DOC2B: variants seen among roughly 807,000 people sequenced by gnomAD.
DOC2B encodes the protein double C2 domain beta.
In DOC2B, 21 loss-of-function variants were observed where a neutral mutation model predicts 28.9. The ratio of observed to expected loss-of-function variants is 0.73; its 90% CI spans 0.52 to 1.05. The LOEUF is 1.05. Among genes scored for constraint, DOC2B ranks in the 50% least tolerant of loss-of-function variants. The pLI, the probability that DOC2B is intolerant of heterozygous loss-of-function variation, is 0.00. For missense variants in DOC2B, 384 were observed against 421.1 expected (o/e 0.91, Z 0.77); for synonymous variants, 194 against 178.1 (o/e 1.09, Z -0.71).
At position 169,971 on chromosome 17, in the gene DOC2B, C is replaced by G. The variant is rs564787657; in HGVS notation, c.453+2566G>C. The stretch of plus-strand genomic sequence containing the variant: ...GGTACCACACATGTACACACAGAGA[C>G]ACACATACAGCCATGTATGTGCATA... On this transcript the variant is annotated intron_variant, in intron 2 of 8. Transcript: ENST00000613549. 2.0e-5 allele frequency among the ~76,000 whole-genome samples: 3 copies of G among 152,316 alleles called. No homozygotes were observed. The South Asian group carries it at 6.2e-4, about 32-fold the overall frequency.
chr17:154,981 G>A (rs959437951), intron 6 of DOC2B, among the ~76,000 whole-genome samples: 8 of 152,088 alleles, frequency 5.3e-5, no homozygotes, highest in Middle Eastern at 3.4e-3. Context: ...CGTGCGCCTC[G>A]GCCTCCCAAA....
chr17:181,320 C>T lies in DOC2B; in HGVS notation c.160G>A (p.Ala54Thr). Residue 54 changes from alanine to threonine, a missense_variant, in exon 1 of 9, where the codon GCA becomes ACA. Ala to Thr is a moderately conservative substitution (Grantham distance 58, BLOSUM62 0). Transcript: ENST00000613549. The surrounding 1 kb of genome is among the most constrained non-coding windows in gnomAD (Gnocchi z 7.0). ...LPPDAGPRAAAPPDAPARPAV... is the reference protein window; with the variant it reads ...LPPDAGPRAATPPDAPARPAV... ...GGGCGCGCGGGGGCGTCCGGGGGTGCAGCGGCTCGGGGCCCGGCGTCCGGG... is the reference window on the plus strand; with the variant it reads ...GGGCGCGCGGGGGCGTCCGGGGGTGTAGCGGCTCGGGGCCCGGCGTCCGGG... 8.6e-7 allele frequency: 1 copy of T among 1,161,100 alleles called. No individual in the cohort carries two copies. Among genetic ancestry groups the T allele is most frequent in the Admixed American group, 4.7e-5 (1 of 21,242 alleles). The allele number at this position is 1,161,100 out of a possible 1,614,324, so 71.9% of individuals were successfully genotyped here.
In DOC2B at chr17:169,080, C is replaced by T. The variant is rs146719345; in HGVS notation, c.453+3457G>A. Among the ~76,000 whole-genome samples the T allele has an allele frequency of 4.1e-3, 628 of 152,238 alleles. 4 individuals carry two copies. The highest frequency in any genetic ancestry group is 6.6e-3 in the Non-Finnish European group (450 of 68,012). On this transcript the variant is annotated intron_variant, in intron 2 of 8. Transcript: ENST00000613549. ...AACCTAGCCCTGCCCCGCCCTGGGC[C>T]TCTCAGAGGCTGTTGCTGGTGAAGT... is the stretch of plus-strand genomic sequence containing the variant.
chr17:162,554 G>A (rs572380349), intron 3 of DOC2B, among the ~76,000 whole-genome samples: 14 of 152,356 alleles, frequency 9.2e-5, no homozygotes, highest in Non-Finnish European at 2.9e-5. Flanking sequence ...GCTGGAAGGA[G>A]CTAGGAAACT....
In DOC2B at chr17:181,054, G is replaced by C. The variant is rs920018945; in HGVS notation, c.373+53C>G. The C allele has an allele frequency of 4.9e-6, 6 of 1,214,782 alleles. No homozygotes were observed. The South Asian group carries it at 1.1e-4, about 22-fold the overall frequency. 75.3% of individuals were successfully genotyped at this position (1,214,782 alleles called of 1,614,324 possible). On this transcript the variant is annotated intron_variant, in intron 1 of 8. Coordinates refer to ENST00000613549, the MANE Select transcript of DOC2B (RefSeq NM_003585.5). The surrounding 1 kb of genome is among the most constrained non-coding windows in gnomAD (Gnocchi z 7.0). ...GAGGGAAGCCGCGAGGCCGTGGGGGGGCCGAGCCCGAGCCAGGGGAGGGGG... is the reference window on the plus strand; with the variant it reads ...GAGGGAAGCCGCGAGGCCGTGGGGGCGCCGAGCCCGAGCCAGGGGAGGGGG...
At chr17:151,035 T>C (rs62053745) in intron 6 of DOC2B, among the ~76,000 whole-genome samples, 111,296 of 151,628 alleles carry the variant, frequency 0.73, 41,693 homozygotes, top group East Asian at 0.86. Context: ...TGGGGTCATA[T>C]TCTCTGTGTT....
At chr17:147,608 A>G in intron 8 of DOC2B, 31 bp from the exon 9 acceptor site, 1 of 398,842 alleles carries the variant, frequency 2.5e-6, no homozygotes, top group Non-Finnish European at 4.4e-6. Flanking sequence ...CAGCTGGGGC[A>G]CAGGGACCCC....
chr17:180,647 TCG>T (rs1414931639), intron 1 of DOC2B, among the ~76,000 whole-genome samples: 1 of 151,770 alleles, frequency 6.6e-6, no homozygotes, highest in Non-Finnish European at 1.5e-5. Context: ...CCTCCCCAGC[TCG>T]CCCCAGCCCC....
chr17:166,287 C>T (rs937358457), intron 2 of DOC2B, among the ~76,000 whole-genome samples: 2 of 152,272 alleles, frequency 1.3e-5, no homozygotes, highest in African/African-American at 4.8e-5. Context: ...CCCGGGGTTC[C>T]GCCAGTGCCT....
In DOC2B at chr17:144,857, T is replaced by G. The variant is rs964337270; in HGVS notation, c.*2584A>C. On this transcript the variant is annotated 3_prime_UTR_variant, in exon 9 of 9. Coordinates refer to ENST00000613549, the MANE Select transcript of DOC2B (RefSeq NM_003585.5). ...GGCCTCACATTCCCCATGTGCCTAA[T>G]AAGGAAGTCATGGTAGGTGGGGGGT... 2 of 152,190 alleles carry G rather than the reference T, an allele frequency of 1.3e-5. No individual in the cohort carries two copies. The highest frequency in any genetic ancestry group is 4.1e-4 in the South Asian group (2 of 4,836). The allele number at this position is 152,190 out of a possible 1,614,324, so 9.4% of individuals were successfully genotyped here.
intron 1 of DOC2B, among the ~76,000 whole-genome samples, chr17:180,862 A>G (rs971588713): frequency 4.0e-4 from 60 of 150,152 alleles, no homozygotes; most frequent in African/African-American, 1.4e-3. Flanking sequence ...GAAATGGGAC[A>G]CCCCCAGGGG....
At chr17:173,380 G>C (rs1356819927) in intron 1 of DOC2B, among the ~76,000 whole-genome samples, 1 of 152,154 alleles carries the variant, frequency 6.6e-6, no homozygotes, top group Non-Finnish European at 1.5e-5. Context: ...ATGATGGTGG[G>C]GGGCAGAGCT....
chr17:172,137 T>C (rs926226524), intron 2 of DOC2B, among the ~76,000 whole-genome samples: 1 of 151,808 alleles, frequency 6.6e-6, no homozygotes, highest in Non-Finnish European at 1.5e-5. Context: ...GCTTCCAGGG[T>C]GCAAAGTGGC....
chr17:156,061 A>G, intron 6 of DOC2B, 159 bp downstream of exon 6: 1 of 756,162 alleles, frequency 1.3e-6, no homozygotes, highest in Non-Finnish European at 2.0e-6. Flanking sequence ...GGCCATGCTT[A>G]ACCCCTGGAG....
intron 1 of DOC2B, among the ~76,000 whole-genome samples, chr17:176,820 C>G (rs2040375430): frequency 6.6e-6 from 1 of 152,162 alleles, no homozygotes. Context: ...GGGTTGGTCA[C>G]TAATGGGCCT....
At chr17:174,189 C>T (rs142936985) in intron 1 of DOC2B, among the ~76,000 whole-genome samples, 97 of 152,344 alleles carry the variant, frequency 6.4e-4, no homozygotes, top group Non-Finnish European at 6.5e-4. Flanking sequence ...AGGCACATGT[C>T]TCTGTCTTCG....
chr17:149,719 T>C (rs2040052556), intron 6 of DOC2B, among the ~76,000 whole-genome samples: 1 of 152,216 alleles, frequency 6.6e-6, no homozygotes, highest in African/African-American at 2.4e-5. Context: ...TTGGCCAGGC[T>C]GGTCTCTAGC....
chr17:148,029 G>C (rs1261045477), intron 8 of DOC2B, 144 bp downstream of exon 8: 2 of 395,792 alleles, frequency 5.1e-6, no homozygotes, highest in Non-Finnish European at 8.9e-6. Flanking sequence ...GGGCACAAGG[G>C]TCAGGCTGGA....
At chr17:166,726 G>A (rs1031820896) in intron 2 of DOC2B, among the ~76,000 whole-genome samples, 2 of 148,050 alleles carry the variant, frequency 1.4e-5, no homozygotes, top group Non-Finnish European at 1.5e-5. Context: ...TACGTCTCAC[G>A]AGATCTCATG....
Sources: gnomAD v4.1 joint callset for allele counts (sites outside exome capture counted in the v4.1 genomes callset) on GRCh38, gnomAD v4.1.1 for gene constraint, Gnocchi (gnomAD v3.1) non-coding constraint, MANE v1.5 for transcripts, NCBI Gene and HGNC (gene_info 2026-07-23, HGNC 2026-07-21) for gene names.